C3orf52: variants seen among roughly 807,000 people sequenced by gnomAD.
C3orf52 encodes the protein chromosome 3 open reading frame 52.
A neutral mutation model predicts 24.8 loss-of-function variants in C3orf52; 22 were observed. The observed-to-expected ratio is 0.89, with a 90% CI of 0.63 to 1.27. The LOEUF is 1.27. C3orf52 is among the 50% of genes most tolerant of loss of function. The probability of loss-of-function intolerance (pLI) is 0.00; values close to 1 mark genes in which losing one functional copy is unlikely to be tolerated. For synonymous variants in C3orf52, 93 were observed against 100.2 expected, an observed-to-expected ratio of 0.93 and a Z score of 0.43; for missense variants, 265 against 260.7, an observed-to-expected ratio of 1.02 and a Z score of -0.11.
At chr3:112,131,546 C>G (rs1471283285), downstream of C3orf52, among the ~76,000 whole-genome samples, 1 of 152,148 alleles carries the variant, frequency 6.6e-6, no homozygotes, top group Non-Finnish European at 1.5e-5. Context: ...AGGCTGCCCT[C>G]AAACTCCTGG....
chr3:112,115,991 A>G (rs140075348), intron 5 of C3orf52, among the ~76,000 whole-genome samples: 6 of 152,282 alleles, frequency 3.9e-5, no homozygotes, highest in Admixed American at 3.9e-4. Flanking sequence ...GGTCAGCATC[A>G]TGAGTTATTT....
intron 1 of C3orf52, among the ~76,000 whole-genome samples, chr3:112,092,780 C>T (rs2073890816): frequency 6.6e-6 from 1 of 152,182 alleles, no homozygotes; most frequent in Admixed American, 6.5e-5. Context: ...CCCTTCCCAA[C>T]CCTTTTTTAC....
chr3:112,106,982 A>G (rs1264301963), intron 3 of C3orf52, among the ~76,000 whole-genome samples: 1 of 152,150 alleles, frequency 6.6e-6, no homozygotes, highest in Non-Finnish European at 1.5e-5. Flanking sequence ...GGGTTGAGGA[A>G]CCACCCTATT....
rs1172665132 is a variant in C3orf52 at position 112,086,447 on chromosome 3, G to T, written c.40G>T (p.Glu14Ter). Reference protein sequence around the residue: ...AQPSQPVDELELSVLERQPEE... With the variant: ...AQPSQPVDEL ...ACCCTCACAGCCAGTAGACGAGCTG[G>T]AGCTCTCGGTGCTCGAGCGGCAGCC... The change falls in exon 1 of 6, where the codon GAG becomes TAG. Residue 14 changes from glutamate (E) to a stop codon, truncating the protein, a stop_gained. Coordinates refer to ENST00000264848, the MANE Select transcript of C3orf52 (RefSeq NM_024616.3). LOFTEE classifies it high-confidence loss of function. The T allele has an allele frequency of 6.4e-7, 1 of 1,551,344 alleles. No individual in the cohort carries two copies. Among genetic ancestry groups the T allele is most frequent in the Non-Finnish European group, 8.7e-7 (1 of 1,146,770 alleles).
rs370685321 is a variant in C3orf52 at position 112,096,174 on chromosome 3, T to G, written c.268+2685T>G. 4.6e-5 allele frequency among the ~76,000 whole-genome samples: 7 copies of G among 152,344 alleles called. No homozygotes were observed. In the South Asian group the frequency reaches 1.4e-3, roughly 32 times the overall value. Reference sequence around the variant, plus strand: ...GCTTGGAGGCGGAAGTGTTAACTTTTGTTCTTCAGTAGGCAGGTCTTTGCA... The same window carrying G: ...GCTTGGAGGCGGAAGTGTTAACTTTGGTTCTTCAGTAGGCAGGTCTTTGCA... On this transcript the variant is annotated intron_variant, in intron 2 of 5. Transcript: ENST00000264848.
At chr3:112,108,124 G>A (rs1450412922) in intron 3 of C3orf52, among the ~76,000 whole-genome samples, 1 of 152,076 alleles carries the variant, frequency 6.6e-6, no homozygotes, top group African/African-American at 2.4e-5. Context: ...TCAACAACTA[G>A]TATCCAGAAT....
intron 5 of C3orf52, among the ~76,000 whole-genome samples, chr3:112,115,906 G>A (rs340163): frequency 0.33 from 50,873 of 151,946 alleles, 8,555 homozygotes; most frequent in Middle Eastern, 0.45. Context: ...CCCTATCTTT[G>A]GTCTTCTTCA....
At chr3:112,102,365 A>T (rs1385050065) in intron 2 of C3orf52, among the ~76,000 whole-genome samples, 1 of 151,722 alleles carries the variant, frequency 6.6e-6, no homozygotes, top group Admixed American at 6.6e-5. Flanking sequence ...TAAAATGTAA[A>T]TGATTTCGGA....
chr3:112,116,181 G>T (rs2074131956), intron 5 of C3orf52, among the ~76,000 whole-genome samples: 8 of 152,216 alleles, frequency 5.3e-5, no homozygotes, highest in Admixed American at 5.2e-4. Context: ...CTCCTGGTCT[G>T]TAGACCCCGG....
Position 112,108,397 on chromosome 3 carries a change from G to C in C3orf52, c.397-1146G>C, listed in dbSNP as rs548131792. ...AATGGATATTTATACATTGCTGGGA[G>C]GGGTGGGAAAGGGAGAACAATTTTG... On this transcript the variant is annotated intron_variant, in intron 3 of 5. Transcript: ENST00000264848. Among the ~76,000 whole-genome samples, 3 of 152,338 alleles carry C rather than the reference G, an allele frequency of 2.0e-5. No homozygotes were observed. In the South Asian group the frequency reaches 6.2e-4, roughly 32 times the overall value.
downstream of C3orf52, chr3:112,135,129 C>A (rs73853321): frequency 0.016 from 2,438 of 154,708 alleles, 59 homozygotes; most frequent in African/African-American, 0.054. Context: ...TCTCAACAGA[C>A]AAAAGGTTAA....
At chr3:112,128,770 ATC>A (rs1467812438), downstream of C3orf52, 1 of 157,944 alleles carries the variant, frequency 6.3e-6, no homozygotes, top group African/African-American at 2.4e-5. Context: ...AAGGCTTAGA[ATC>A]TCTCTGCAGT....
At chr3:112,087,781 G>C (rs932098209) in intron 1 of C3orf52, among the ~76,000 whole-genome samples, 2 of 152,138 alleles carry the variant, frequency 1.3e-5, no homozygotes, top group Non-Finnish European at 2.9e-5. Context: ...CGGTGTCCAG[G>C]AATGGGAGTT....
intron 1 of C3orf52, among the ~76,000 whole-genome samples, chr3:112,088,698 A>C (rs1158272431): frequency 6.6e-6 from 1 of 151,932 alleles, no homozygotes; most frequent in African/African-American, 2.4e-5. Context: ...ATCTATCAGC[A>C]TTTAATTTAA....
downstream of C3orf52, among the ~76,000 whole-genome samples, chr3:112,131,219 A>T (rs1368916366): frequency 6.6e-6 from 1 of 152,196 alleles, no homozygotes; most frequent in African/African-American, 2.4e-5. Context: ...ATGCTAGGCA[A>T]CTGGTCTGAG....
chr3:112,136,169 A>G, the C3orf52 span, among the ~76,000 whole-genome samples: 2 of 152,262 alleles, frequency 1.3e-5, no homozygotes, highest in African/African-American at 4.8e-5. Context: ...AATTTCAGAT[A>G]AACGCTATGT....
chr3:112,123,905 T>G, intron 4 of C3orf52: 6 of 895,856 alleles, frequency 6.7e-6, no homozygotes, highest in Non-Finnish European at 1.0e-5. Flanking sequence ...CTTGGCCATT[T>G]TTTTCTAAAT....
chr3:112,133,080 G>A (rs1416245138), downstream of C3orf52: 1 of 1,613,046 alleles, frequency 6.2e-7, no homozygotes. Context: ...CCCACAGGGA[G>A]TCTAGACTTA....
At chr3:112,134,308 G>A (rs1309970513), downstream of C3orf52, 3 of 152,176 alleles carry the variant, frequency 2.0e-5, no homozygotes, top group Non-Finnish European at 4.4e-5. Flanking sequence ...GGTGTAAAAG[G>A]CTGCCACCCT....
Sources: gnomAD v4.1 joint callset for allele counts (sites outside exome capture counted in the v4.1 genomes callset) on GRCh38, gnomAD v4.1.1 for gene constraint, MANE v1.5 for transcripts, NCBI Gene and HGNC (gene_info 2026-07-23, HGNC 2026-07-21) for gene names.